KCNQ5: variants seen among roughly 807,000 people sequenced by gnomAD.
KCNQ5 encodes the protein potassium voltage-gated channel subfamily Q member 5, also known as potassium voltage-gated channel subfamily KQT member 5.
KCNQ5 carries 30 observed loss-of-function variants against 98.2 expected under a neutral mutation model. The ratio of observed to expected loss-of-function variants is 0.31; its 90% confidence interval spans 0.23 to 0.41. The LOEUF (loss-of-function observed/expected upper bound fraction) is 0.41. KCNQ5 is among the 10% of genes least tolerant of loss of function. KCNQ5 has a pLI of 1.00. For synonymous variants in KCNQ5, 458 were observed against 449.4 expected (o/e 1.02, Z -0.24); for missense variants, 835 against 1,182.5 (o/e 0.71, Z 4.31).
intron 1 of KCNQ5, among the ~76,000 whole-genome samples, chr6:72,858,634 ATTTTAT>A (rs1351846814): frequency 1.3e-5 from 2 of 151,506 alleles, no homozygotes; most frequent in African/African-American, 4.8e-5. Context: ...TTTTTCCATT[ATTTTAT>A]TTTAAACATT....
intron 10 of KCNQ5, 138 bp from the exon 11 acceptor site, chr6:73,169,608 C>A: frequency 1.6e-6 from 1 of 630,970 alleles, no homozygotes; most frequent in Non-Finnish European, 2.9e-6. Context: ...ATTGGCAAGA[C>A]AATTGGCTGA....
chr6:72,848,528 G>T (rs1460284141), intron 1 of KCNQ5, among the ~76,000 whole-genome samples: 1 of 152,126 alleles, frequency 6.6e-6, no homozygotes, highest in African/African-American at 2.4e-5. Flanking sequence ...GTGCAATTTG[G>T]AATGAAGAGA....
At chr6:72,780,001 T>G (rs1460730194) in intron 1 of KCNQ5, among the ~76,000 whole-genome samples, 1 of 152,028 alleles carries the variant, frequency 6.6e-6, no homozygotes, top group East Asian at 1.9e-4. Flanking sequence ...TGCTGAGCCA[T>G]GAGTGGGAGA....
chr6:73,120,000 G>T (rs1775678778), intron 7 of KCNQ5, among the ~76,000 whole-genome samples: 1 of 151,966 alleles, frequency 6.6e-6, no homozygotes, highest in Non-Finnish European at 1.5e-5. Context: ...CACTTTGGGA[G>T]GCCAAGGCAG....
At chr6:72,661,648 A>G (rs1473413172) in intron 1 of KCNQ5, among the ~76,000 whole-genome samples, 2 of 152,158 alleles carry the variant, frequency 1.3e-5, no homozygotes, top group Non-Finnish European at 1.5e-5. Flanking sequence ...CCCAATATGT[A>G]TCACTAGAGT....
chr6:72,832,195 T>C (rs1776303969), intron 1 of KCNQ5, among the ~76,000 whole-genome samples: 1 of 152,002 alleles, frequency 6.6e-6, no homozygotes, highest in Non-Finnish European at 1.5e-5. Context: ...ATGGATAAGA[T>C]GTTTGGAAGA....
chr6:73,059,242 A>G (rs1429427903), intron 3 of KCNQ5, among the ~76,000 whole-genome samples: 2 of 152,238 alleles, frequency 1.3e-5, no homozygotes, highest in African/African-American at 4.8e-5. Context: ...ATAAAAAAGA[A>G]CAAGATCATG....
At chr6:72,925,558 C>T (rs1026512621) in intron 1 of KCNQ5, among the ~76,000 whole-genome samples, 2 of 152,104 alleles carry the variant, frequency 1.3e-5, no homozygotes, top group African/African-American at 2.4e-5. Flanking sequence ...AGTTCCTGGG[C>T]TTAAGGAGTA....
Position 72,987,141 on chromosome 6 carries a change from G to GC in KCNQ5, c.399-16762dup. On this transcript the variant is annotated intron_variant, in intron 1 of 13. Coordinates refer to ENST00000370398, the MANE Select transcript of KCNQ5 (RefSeq NM_019842.4). The stretch of plus-strand genomic sequence containing the variant: ...CATCCCCAAAGGAGATGGCCCTAAG[G>GC]CCCCCGAGAAGAAAAAGATGAAGTC... 6 of 661,270 alleles carry GC rather than the reference G, an allele frequency of 9.1e-6. No individual in the cohort carries two copies. The Admixed American group carries it at 1.4e-4, about 15-fold the overall frequency. 41.0% of individuals were successfully genotyped at this position (661,270 alleles called of 1,614,324 possible). A position where few individuals can be genotyped will look rare whatever the true frequency, so the allele number is the denominator to read the frequency against.
At chr6:72,635,083 G>T (rs1334188201) in intron 1 of KCNQ5, among the ~76,000 whole-genome samples, 1 of 149,462 alleles carries the variant, frequency 6.7e-6, no homozygotes, top group Non-Finnish European at 1.5e-5. Flanking sequence ...CTAGAGTGCA[G>T]TTGTACAATC....
chr6:73,167,096 G>A (rs1039698147), intron 10 of KCNQ5, among the ~76,000 whole-genome samples: 1 of 152,220 alleles, frequency 6.6e-6, no homozygotes, highest in East Asian at 1.9e-4. Flanking sequence ...TTCCTGGAAA[G>A]AATGTCATCA....
At chr6:72,944,416 A>G (rs985711707) in intron 1 of KCNQ5, among the ~76,000 whole-genome samples, 1 of 152,162 alleles carries the variant, frequency 6.6e-6, no homozygotes, top group African/African-American at 2.4e-5. Context: ...TTTTCTACAA[A>G]TACTTATTGA....
chr6:73,097,648 A>G (rs183658007), intron 5 of KCNQ5, among the ~76,000 whole-genome samples: 73 of 152,270 alleles, frequency 4.8e-4, no homozygotes, highest in Non-Finnish European at 2.9e-4. Flanking sequence ...ACCAAGCTCC[A>G]GGCACCTCAG....
chr6:72,994,472 ACCCCTTG>A (rs1195182747), intron 1 of KCNQ5, among the ~76,000 whole-genome samples: 2 of 133,940 alleles, frequency 1.5e-5, no homozygotes, highest in African/African-American at 5.7e-5. Context: ...GAACTCCCTG[ACCCCTTG>A]CGCTTCCCAG....
At chr6:72,839,794 T>C (rs1343087846) in intron 1 of KCNQ5, among the ~76,000 whole-genome samples, 1 of 152,244 alleles carries the variant, frequency 6.6e-6, no homozygotes, top group African/African-American at 2.4e-5. Flanking sequence ...TAATTTTTTA[T>C]GGTGAGAACA....
chr6:73,130,153 T>G (rs74455017), intron 9 of KCNQ5, among the ~76,000 whole-genome samples: 1,955 of 152,324 alleles, frequency 0.013, 46 homozygotes, highest in African/African-American at 0.045. Flanking sequence ...ATGGCTCAGT[T>G]GCCATATTGT....
intron 1 of KCNQ5, among the ~76,000 whole-genome samples, chr6:72,867,970 C>CTACTAA (rs1554176708): frequency 1.3e-4 from 19 of 146,818 alleles, no homozygotes; most frequent in African/African-American, 3.3e-4. Context: ...ACTACTACTA[C>CTACTAA]TAATAATAAT....
intron 1 of KCNQ5, among the ~76,000 whole-genome samples, chr6:72,689,600 TTAAC>T (rs1768113558): frequency 6.6e-6 from 1 of 152,230 alleles, no homozygotes; most frequent in African/African-American, 2.4e-5. Context: ...GAATTTGTGT[TTAAC>T]TAAAAATTGG....
At chr6:72,753,537 C>T (rs796103768) in intron 1 of KCNQ5, among the ~76,000 whole-genome samples, 1 of 151,994 alleles carries the variant, frequency 6.6e-6, no homozygotes, top group Non-Finnish European at 1.5e-5. Flanking sequence ...GTTGCTGTAC[C>T]ATTTTACATT....
Sources: gnomAD v4.1 joint callset for allele counts (sites outside exome capture counted in the v4.1 genomes callset) on GRCh38, gnomAD v4.1.1 for gene constraint, MANE v1.5 for transcripts, NCBI Gene and HGNC (gene_info 2026-07-23, HGNC 2026-07-21) for gene names.